Variants in FYN observed in about 807,000 individuals in gnomAD.
The protein encoded by FYN is FYN proto-oncogene, Src family tyrosine kinase, also known as tyrosine-protein kinase Fyn.
FYN carries 10 observed loss-of-function variants against 70.2 expected under a neutral mutation model. That is an observed-to-expected ratio of 0.14 (90% CI 0.09 to 0.24). FYN has a LOEUF of 0.24. Ranked by LOEUF, FYN falls within the 10% of genes least tolerant of loss-of-function variation. FYN has a pLI of 1.00. For missense variants in FYN, 319 were observed against 673.1 expected (o/e 0.47, Z 5.82); for synonymous variants, 236 against 248.6 (o/e 0.95, Z 0.48).
chr6:111,786,648 T>C (rs1771400014), intron 2 of FYN, among the ~76,000 whole-genome samples: 1 of 152,334 alleles, frequency 6.6e-6, no homozygotes, highest in South Asian at 2.1e-4. Context: ...ACACTGTCTT[T>C]CACAATGGTT....
At chr6:111,669,952 G>A (rs1259438270) in intron 13 of FYN, among the ~76,000 whole-genome samples, 1 of 151,896 alleles carries the variant, frequency 6.6e-6, no homozygotes, top group African/African-American at 2.4e-5. Context: ...GTCTGGACAT[G>A]GGGAAGGCTT....
intron 1 of FYN, among the ~76,000 whole-genome samples, chr6:111,854,197 T>C (rs1773762328): frequency 6.6e-6 from 1 of 152,208 alleles, no homozygotes; most frequent in Admixed American, 6.5e-5. Flanking sequence ...TGTCTACCGG[T>C]GTGTGAGACG....
chr6:111,781,239 C>T (rs918291766), intron 2 of FYN, among the ~76,000 whole-genome samples: 2 of 152,150 alleles, frequency 1.3e-5, no homozygotes, highest in Admixed American at 6.5e-5. Context: ...CCCAGTCCCT[C>T]GGGCCTGTAA....
At chr6:111,709,458 G>C (rs375314162) in intron 5 of FYN, among the ~76,000 whole-genome samples, 4 of 152,188 alleles carry the variant, frequency 2.6e-5, no homozygotes, top group African/African-American at 9.7e-5. Context: ...GCATGTGCTG[G>C]GGGTGCTGCT....
chr6:111,796,273 A>T (rs1321061499), intron 2 of FYN, among the ~76,000 whole-genome samples: 1 of 152,236 alleles, frequency 6.6e-6, no homozygotes. Flanking sequence ...TCAGTGACAG[A>T]CCACATATAT....
chr6:111,820,410 C>A (rs955930911), intron 2 of FYN, among the ~76,000 whole-genome samples: 9 of 152,054 alleles, frequency 5.9e-5, no homozygotes, highest in Non-Finnish European at 1.0e-4. Context: ...AAATGGTGTG[C>A]AGAATTCTCT....
At chr6:111,862,614 G>A (rs1185327804) in intron 1 of FYN, among the ~76,000 whole-genome samples, 8 of 152,152 alleles carry the variant, frequency 5.3e-5, no homozygotes, top group South Asian at 2.1e-4. Context: ...AAAGGGGAGC[G>A]GCATATGTGG....
In FYN at chr6:111,694,799, G is replaced by A; in HGVS notation, c.1043-95C>T. On this transcript the variant is annotated intron_variant, in intron 10 of 13. Transcript: ENST00000354650. This position sits in a 1 kb window ranked among gnomAD's most constrained non-coding sequence, Gnocchi z 5.0. ...TTTTCTTATTAAAAGTAATAAGGTAGTCAAATGGAATAATGCCATCCACAT... is the reference window on the plus strand; with the variant it reads ...TTTTCTTATTAAAAGTAATAAGGTAATCAAATGGAATAATGCCATCCACAT... The A allele has an allele frequency of 9.1e-7, 1 of 1,095,546 alleles. No individual in the cohort carries two copies. 67.9% of individuals were successfully genotyped at this position (1,095,546 alleles called of 1,614,324 possible).
intron 2 of FYN, among the ~76,000 whole-genome samples, chr6:111,819,169 CCTT>C (rs1772582041): frequency 6.6e-6 from 1 of 152,180 alleles, no homozygotes; most frequent in South Asian, 2.1e-4. Context: ...TGAGTTGTCT[CCTT>C]CTCTTCTCTC....
chr6:111,699,907 TACTA>T (rs1799752191), intron 9 of FYN, 193 bp downstream of exon 9: 1 of 653,428 alleles, frequency 1.5e-6, no homozygotes, highest in Non-Finnish European at 2.4e-6. Flanking sequence ...TTTGCCCACT[TACTA>T]TCTTTTTTTT....
At chr6:111,699,618 G>A in intron 9 of FYN, 1 of 1,613,904 alleles carries the variant, frequency 6.2e-7, no homozygotes, top group South Asian at 1.1e-5. Context: ...AAGTTTGTGG[G>A]GTACAACTCG....
At chr6:111,739,813 C>T (rs1298997937) in intron 3 of FYN, among the ~76,000 whole-genome samples, 1 of 152,168 alleles carries the variant, frequency 6.6e-6, no homozygotes, top group Non-Finnish European at 1.5e-5. Context: ...GTTACTGATA[C>T]TTGACAATCT....
chr6:111,753,381 G>A (rs72942132), intron 3 of FYN, among the ~76,000 whole-genome samples: 1,727 of 152,276 alleles, frequency 0.011, 22 homozygotes, highest in South Asian at 0.038. Flanking sequence ...ATATTTAAGT[G>A]GGGCTGATTG....
intron 1 of FYN, among the ~76,000 whole-genome samples, chr6:111,855,475 G>A (rs1008641519): frequency 3.9e-5 from 6 of 152,104 alleles, no homozygotes; most frequent in African/African-American, 1.2e-4. Context: ...ATATCCTATC[G>A]AATGTAAAAA....
At chr6:111,725,146 C>T (rs1318300399) in intron 3 of FYN, among the ~76,000 whole-genome samples, 1 of 152,136 alleles carries the variant, frequency 6.6e-6, no homozygotes, top group Non-Finnish European at 1.5e-5. Flanking sequence ...TCTTGATCCT[C>T]GCAAAATTAG....
intron 2 of FYN, among the ~76,000 whole-genome samples, chr6:111,833,674 A>C (rs1267609301): frequency 6.6e-6 from 1 of 152,098 alleles, no homozygotes; most frequent in African/African-American, 2.4e-5. Context: ...AGCTCTCCAC[A>C]TTTCCTTTCT....
intron 3 of FYN, among the ~76,000 whole-genome samples, chr6:111,776,139 A>G (rs1281217351): frequency 1.3e-5 from 2 of 152,164 alleles, no homozygotes; most frequent in African/African-American, 2.4e-5. Flanking sequence ...TTAACAGAGA[A>G]GTTAATAGGT....
intron 2 of FYN, among the ~76,000 whole-genome samples, chr6:111,812,498 G>A (rs1772357440): frequency 6.6e-6 from 1 of 151,932 alleles, no homozygotes; most frequent in Non-Finnish European, 1.5e-5. Context: ...AAAAGTTTGG[G>A]GAGAAATGGC....
rs1366305565 is a variant in FYN at position 111,661,493 on chromosome 6, C to T, written c.*246G>A. On this transcript the variant is annotated 3_prime_UTR_variant, in exon 14 of 14. Transcript: ENST00000354650. The surrounding 1 kb of genome is among the most constrained non-coding windows in gnomAD (Gnocchi z 4.0). Reference sequence around the variant, plus strand: ...AGAGGTTTGGCCTTTTACATAACATCGATACAATGCATTTTCCAAAGTCTG... The same window carrying T: ...AGAGGTTTGGCCTTTTACATAACATTGATACAATGCATTTTCCAAAGTCTG... The T allele has an allele frequency of 2.1e-6, 1 of 479,486 alleles. No homozygotes were observed. The highest frequency in any genetic ancestry group is 3.7e-6 in the Non-Finnish European group (1 of 267,932). The allele number at this position is 479,486 out of a possible 1,614,324, so 29.7% of individuals were successfully genotyped here.
Sources: allele counts gnomAD v4.1 joint callset (sites outside exome capture counted in the v4.1 genomes callset), GRCh38; gene constraint gnomAD v4.1.1; non-coding constraint Gnocchi (gnomAD v3.1); transcripts MANE v1.5; gene names NCBI Gene and HGNC (gene_info 2026-07-23, HGNC 2026-07-21).